MOGAT1: variants seen among roughly 807,000 people sequenced by gnomAD.
MOGAT1 encodes the protein monoacylglycerol O-acyltransferase 1.
MOGAT1 carries 32 observed loss-of-function variants against 31.4 expected under a neutral mutation model. The observed-to-expected ratio is 1.02, with a 90% CI of 0.77 to 1.37. MOGAT1 has a LOEUF of 1.37. Ranked by LOEUF, MOGAT1 falls within the 40% of genes most tolerant of loss-of-function variation. The pLI, the probability that MOGAT1 is intolerant of heterozygous loss-of-function variation, is 0.00. For synonymous variants in MOGAT1, 145 were observed against 144.5 expected, an observed-to-expected ratio of 1.00 and a Z score of -0.03; for missense variants, 426 against 402.0, an observed-to-expected ratio of 1.06 and a Z score of -0.51.
intron 3 of MOGAT1, among the ~76,000 whole-genome samples, chr2:222,691,573 A>C (rs1401422883): frequency 6.6e-6 from 1 of 152,200 alleles, no homozygotes. Context: ...TAAAAGGTAA[A>C]TAGAAATACT....
chr2:222,688,582 TTCA>T (rs1246660520), intron 2 of MOGAT1, 60 bp downstream of exon 2: 1 of 1,237,096 alleles, frequency 8.1e-7, no homozygotes, highest in African/African-American at 1.5e-5. Context: ...GAAATTTGTT[TTCA>T]TCACATATAT....
Position 222,684,621 on chromosome 2 carries a change from G to A in MOGAT1, c.95-3723G>A, listed in dbSNP as rs904276254. Among the ~76,000 whole-genome samples the A allele has an allele frequency of 3.4e-4, 51 of 151,958 alleles. 1 individual carries two copies. The highest frequency in any genetic ancestry group is 5.9e-4 in the Non-Finnish European group (40 of 67,994). The stretch of plus-strand genomic sequence containing the variant: ...AGACAGAGTCTTGCCCTGTCACCCG[G>A]GCTGAAGTGAAACGGTGCAATCTCG... On this transcript the variant is annotated intron_variant, in intron 1 of 5. Coordinates refer to ENST00000446656, the MANE Select transcript of MOGAT1 (RefSeq NM_058165.3).
intron 1 of MOGAT1, among the ~76,000 whole-genome samples, chr2:222,672,563 T>C (rs148512191): frequency 6.6e-6 from 1 of 152,060 alleles, no homozygotes; most frequent in Admixed American, 6.5e-5. Flanking sequence ...TTTCTTTTTG[T>C]TTTTTGTTTT....
At position 222,694,494 on chromosome 2, in the gene MOGAT1, T is replaced by C. The variant is rs1186953031; in HGVS notation, c.611T>C (p.Ile204Thr). ...DAHPGKFTLF[I>T]RQRKGFVKIA... The stretch of plus-strand genomic sequence containing the variant: ...CATCCTGGAAAGTTCACTCTGTTCA[T>C]CCGCCAGCGGAAAGGATTTGTTAAA... Residue 204 changes from isoleucine to threonine, a missense_variant, in exon 4 of 6, where the codon ATC becomes ACC. Physicochemically the swap from Ile to Thr is moderately conservative, Grantham distance 89. Coordinates refer to ENST00000446656, the MANE Select transcript of MOGAT1 (RefSeq NM_058165.3). 3.7e-6 allele frequency: 6 copies of C among 1,613,782 alleles called. No individual in the cohort carries two copies. The highest frequency in any genetic ancestry group is 3.4e-6 in the Non-Finnish European group (4 of 1,179,848).
chr2:222,700,454 C>T (rs1315869820), intron 5 of MOGAT1, among the ~76,000 whole-genome samples: 1 of 152,248 alleles, frequency 6.6e-6, no homozygotes, highest in African/African-American at 2.4e-5. Context: ...GCTTCAGTCC[C>T]TCCCTCTACT....
chr2:222,680,756 C>T (rs1322489555), intron 1 of MOGAT1, among the ~76,000 whole-genome samples: 1 of 152,132 alleles, frequency 6.6e-6, no homozygotes, highest in Non-Finnish European at 1.5e-5. Flanking sequence ...AGTATGGAAA[C>T]AGTTTTCATG....
chr2:222,705,659 T>C (rs1470526), intron 5 of MOGAT1, among the ~76,000 whole-genome samples: 88,007 of 152,124 alleles, frequency 0.58, 26,377 homozygotes, highest in Middle Eastern at 0.71. Flanking sequence ...GCTAATTAAT[T>C]AGCCTTCTTG....
In MOGAT1 at chr2:222,689,320, C is replaced by T; in HGVS notation, c.329C>T (p.Pro110Leu). The change falls in exon 3 of 6, where the codon CCC (proline) becomes CTC (leucine). Residue 110 changes from proline to leucine, a missense_variant. By Grantham distance (98) the Pro-to-Leu change is moderately conservative. Coordinates refer to ENST00000446656, the MANE Select transcript of MOGAT1 (RefSeq NM_058165.3). ...PSHNYIFGFH[P>L]HGIMAVGAFG... ...CACAACTATATATTTGGGTTTCACC[C>T]CCATGGAATAATGGCAGTTGGAGCC... is the stretch of plus-strand genomic sequence containing the variant. 1 of 1,613,962 alleles carries T rather than the reference C, an allele frequency of 6.2e-7. No homozygotes were observed. Among genetic ancestry groups the T allele is most frequent in the Non-Finnish European group, 8.5e-7 (1 of 1,179,864 alleles).
rs1692710012 is a variant in MOGAT1, at chr2:222,688,494, A to G, written c.245A>G (p.Lys82Arg). ...SSWIKNWTLW[K>R]HFKDYFPIHL... The stretch of plus-strand genomic sequence containing the variant: ...TGGATCAAAAATTGGACTCTTTGGA[A>G]ACACTTTAAGGACTATTTTCCAATT... The change falls in exon 2 of 6, where the codon AAA becomes AGA. Residue 82 changes from lysine (K) to arginine (R), a missense_variant. Transcript: ENST00000446656. 1 of 1,613,410 alleles carries G rather than the reference A, an allele frequency of 6.2e-7. No homozygotes were observed. The highest frequency in any genetic ancestry group is 8.5e-7 in the Non-Finnish European group (1 of 1,179,736).
chr2:222,708,402 C>A (rs548507171), intron 5 of MOGAT1, among the ~76,000 whole-genome samples: 1 of 152,088 alleles, frequency 6.6e-6, no homozygotes, highest in South Asian at 2.1e-4. Context: ...CATTTTCAAC[C>A]CTTGGCATCA....
intron 4 of MOGAT1, 38 bp downstream of exon 4, chr2:222,694,574 G>T: frequency 1.3e-6 from 2 of 1,591,402 alleles, no homozygotes; most frequent in South Asian, 1.1e-5. Flanking sequence ...GGTCAGAAAA[G>T]TTAAGACATT....
chr2:222,675,544 A>G (rs1692484041), intron 1 of MOGAT1, among the ~76,000 whole-genome samples: 1 of 145,000 alleles, frequency 6.9e-6, no homozygotes. Context: ...CAGTGGCGCG[A>G]TCTCGGCTCA....
intron 1 of MOGAT1, among the ~76,000 whole-genome samples, chr2:222,683,400 T>TTTTTTATGTGA (rs1193433365): frequency 6.7e-6 from 1 of 149,894 alleles, no homozygotes; most frequent in Non-Finnish European, 1.5e-5. Context: ...AAATCGCTGG[T>TTTTTTATGTGA]TTTTTATGTT....
chr2:222,704,714 G>A (rs1436011103), intron 5 of MOGAT1, among the ~76,000 whole-genome samples: 2 of 152,100 alleles, frequency 1.3e-5, no homozygotes, highest in African/African-American at 4.8e-5. Context: ...CACAACACTG[G>A]AGTTGGGTAT....
chr2:222,690,727 G>A (rs932047773), intron 3 of MOGAT1, among the ~76,000 whole-genome samples: 1 of 152,052 alleles, frequency 6.6e-6, no homozygotes, highest in Non-Finnish European at 1.5e-5. Flanking sequence ...GTCCAGCCTG[G>A]TCCCGAGGGC....
chr2:222,677,088 G>A (rs1692509036), intron 1 of MOGAT1, among the ~76,000 whole-genome samples: 1 of 152,012 alleles, frequency 6.6e-6, no homozygotes, highest in Admixed American at 6.6e-5. Context: ...TACTCTATTG[G>A]GAAGGTTTCT....
chr2:222,704,415 G>C (rs575266000), intron 5 of MOGAT1, among the ~76,000 whole-genome samples: 4 of 152,036 alleles, frequency 2.6e-5, no homozygotes, highest in Admixed American at 2.6e-4. Flanking sequence ...ACGAGGTCAG[G>C]AGATCGAGAC....
intron 2 of MOGAT1, among the ~76,000 whole-genome samples, chr2:222,688,882 A>C (rs943904315): frequency 6.6e-6 from 1 of 152,168 alleles, no homozygotes; most frequent in Non-Finnish European, 1.5e-5. Flanking sequence ...TTCTGTGATA[A>C]TGGCGTTAAT....
In MOGAT1 at chr2:222,696,012, G is replaced by A. The variant is rs189647946; in HGVS notation, c.853+724G>A. Among the ~76,000 whole-genome samples the A allele has an allele frequency of 3.0e-3, 454 of 152,236 alleles. 1 individual carries two copies. The highest frequency in any genetic ancestry group is 0.01 in the African/African-American group (435 of 41,544). On this transcript the variant is annotated intron_variant, in intron 5 of 5. Transcript: ENST00000446656. The stretch of plus-strand genomic sequence containing the variant: ...CTCCCACTTATGAGTGAGAACATAC[G>A]ATGTTTGGTTTTCCATTCCTGAGTT...
Sources: allele counts gnomAD v4.1 joint callset (sites outside exome capture counted in the v4.1 genomes callset), GRCh38; gene constraint gnomAD v4.1.1; transcripts MANE v1.5; gene names NCBI Gene and HGNC (gene_info 2026-07-23, HGNC 2026-07-21).